Variants in NDST3 observed in about 807,000 individuals in gnomAD.
The protein encoded by NDST3 is N-deacetylase and N-sulfotransferase 3.
NDST3 carries 58 observed loss-of-function variants against 96.1 expected under a neutral mutation model. The observed-to-expected ratio is 0.60, with a 90% confidence interval of 0.49 to 0.75. NDST3 has a LOEUF of 0.75. Ranked by LOEUF, NDST3 falls within the 30% of genes least tolerant of loss-of-function variation. The pLI is 0.00. For missense variants in NDST3, 788 were observed against 1,034.2 expected (o/e 0.76, Z 3.27); for synonymous variants, 333 against 359.7 (o/e 0.93, Z 0.84).
Position 118,134,318 on chromosome 4 carries a change from T to C in NDST3, c.1225-3736T>C, listed in dbSNP as rs578104296. Among the ~76,000 whole-genome samples the C allele has an allele frequency of 5.3e-5, 8 of 152,282 alleles. No individual in the cohort carries two copies. In the South Asian group the frequency reaches 1.7e-3, roughly 32 times the overall value. On this transcript the variant is annotated intron_variant, in intron 4 of 13. Coordinates refer to ENST00000296499, the MANE Select transcript of NDST3 (RefSeq NM_004784.3). ...GCAGCGCTTGCGATCATGCTAAGAA[T>C]TTTGTAATTTAAGTGGAAAGGGAAA...
intron 10 of NDST3, among the ~76,000 whole-genome samples, chr4:118,239,533 C>T (rs1238689672): frequency 6.6e-6 from 1 of 152,062 alleles, no homozygotes; most frequent in South Asian, 2.1e-4. Flanking sequence ...ACCTTTTCCA[C>T]CAAGTATCTG....
chr4:118,236,397 T>C (rs1235871013), intron 9 of NDST3, among the ~76,000 whole-genome samples: 1 of 152,196 alleles, frequency 6.6e-6, no homozygotes, highest in Non-Finnish European at 1.5e-5. Flanking sequence ...ATATAGAACA[T>C]GACCTTGGGA....
chr4:118,033,324 C>T (rs1036907278), upstream of NDST3, among the ~76,000 whole-genome samples: 2 of 152,138 alleles, frequency 1.3e-5, no homozygotes, highest in African/African-American at 4.8e-5. Context: ...TGCGCCCCAC[C>T]CTTCCAGCGT....
chr4:118,172,381 T>C (rs940275924), intron 6 of NDST3, among the ~76,000 whole-genome samples: 2 of 152,044 alleles, frequency 1.3e-5, no homozygotes, highest in Admixed American at 1.3e-4. Flanking sequence ...TAAATTGTAA[T>C]GGCGACAGAA....
chr4:118,084,072 T>C (rs746731100), intron 2 of NDST3, among the ~76,000 whole-genome samples: 17 of 152,150 alleles, frequency 1.1e-4, no homozygotes, highest in Non-Finnish European at 2.2e-4. Context: ...TTTGAGGAAA[T>C]GACAAGATGT....
In NDST3 at chr4:118,207,306, G is replaced by A. The variant is rs1157058381; in HGVS notation, c.1540-17185G>A. Among the ~76,000 whole-genome samples the A allele has an allele frequency of 1.4e-5, 2 of 143,674 alleles. 1 individual carries two copies. The highest frequency in any genetic ancestry group is 3.1e-5 in the Non-Finnish European group (2 of 64,978). 94.3% of individuals were successfully genotyped at this position (143,674 alleles called of 152,430 possible). A position where few individuals can be genotyped will look rare whatever the true frequency, so the allele number is the denominator to read the frequency against. ...ATAACTTATTAGAAGTTGATAGTGG[G>A]GGAAAATTTATAAAGAAAGAATATG... On this transcript the variant is annotated intron_variant, in intron 6 of 13. Coordinates refer to ENST00000296499, the MANE Select transcript of NDST3 (RefSeq NM_004784.3).
At chr4:118,175,792 C>T (rs147351239) in intron 6 of NDST3, among the ~76,000 whole-genome samples, 16 of 152,218 alleles carry the variant, frequency 1.1e-4, no homozygotes, top group South Asian at 2.1e-4. Flanking sequence ...AAGAGTTTGA[C>T]GCCCACTAAA....
At chr4:118,155,318 A>T (rs1734651022) in intron 6 of NDST3, among the ~76,000 whole-genome samples, 1 of 152,184 alleles carries the variant, frequency 6.6e-6, no homozygotes, top group Non-Finnish European at 1.5e-5. Flanking sequence ...TAGTTTGCAC[A>T]TTCACCCCAT....
chr4:118,098,207 G>T (rs999576347), intron 2 of NDST3, among the ~76,000 whole-genome samples: 1 of 151,718 alleles, frequency 6.6e-6, no homozygotes, highest in African/African-American at 2.4e-5. Context: ...TTACAGCTCT[G>T]CTTCCTTTTC....
At chr4:118,224,406 A>G (rs747306305) in intron 6 of NDST3, 85 bp from the exon 7 acceptor site, 44 of 1,310,824 alleles carry the variant, frequency 3.4e-5, no homozygotes, top group Non-Finnish European at 4.0e-5. Context: ...CTACTTAAGG[A>G]AAAAAACTAG....
chr4:118,094,353 T>C (rs949350440), intron 2 of NDST3, among the ~76,000 whole-genome samples: 1 of 151,844 alleles, frequency 6.6e-6, no homozygotes, highest in African/African-American at 2.4e-5. Context: ...ATCTATGGTA[T>C]AATCTAAAGC....
intron 2 of NDST3, among the ~76,000 whole-genome samples, chr4:118,058,643 G>A (rs200816205): frequency 6.4e-5 from 1 of 15,706 alleles, no homozygotes; most frequent in Non-Finnish European, 5.4e-4. Flanking sequence ...GTGCGCGCGC[G>A]CGCACGCATG....
At chr4:118,034,093 T>C (rs1724018349), upstream of NDST3, among the ~76,000 whole-genome samples, 1 of 152,220 alleles carries the variant, frequency 6.6e-6, no homozygotes, top group South Asian at 2.1e-4. Context: ...TAAATAAGTT[T>C]ATTTAGACAA....
intron 4 of NDST3, among the ~76,000 whole-genome samples, chr4:118,123,457 A>C (rs543939204): frequency 6.6e-6 from 1 of 152,294 alleles, no homozygotes; most frequent in Non-Finnish European, 1.5e-5. Flanking sequence ...GAGAAAGCTG[A>C]ATTAAACCAA....
chr4:118,239,490 T>C (rs911838278), intron 10 of NDST3, among the ~76,000 whole-genome samples: 79 of 152,228 alleles, frequency 5.2e-4, no homozygotes, highest in African/African-American at 1.7e-3. Context: ...ATACAGCAAA[T>C]TGCAAATTGC....
chr4:118,113,367 G>A (rs904397201), intron 3 of NDST3, among the ~76,000 whole-genome samples: 2 of 152,222 alleles, frequency 1.3e-5, no homozygotes, highest in African/African-American at 4.8e-5. Flanking sequence ...GTAGTGGAGA[G>A]GAAGTTCCTT....
intron 1 of NDST3, among the ~76,000 whole-genome samples, 154 bp from the exon 2 acceptor site, chr4:118,053,602 A>G (rs1725220284): frequency 6.6e-6 from 1 of 151,902 alleles, no homozygotes; most frequent in African/African-American, 2.4e-5. Flanking sequence ...CCATGTCCTC[A>G]CACAGATCTG....
At chr4:118,081,020 C>G (rs1040481530) in intron 2 of NDST3, among the ~76,000 whole-genome samples, 1 of 152,150 alleles carries the variant, frequency 6.6e-6, no homozygotes, top group African/African-American at 2.4e-5. Context: ...AACTTGCGCT[C>G]AAATCTCCCA....
intron 6 of NDST3, among the ~76,000 whole-genome samples, chr4:118,202,968 T>C (rs1013732153): frequency 1.3e-5 from 2 of 152,244 alleles, no homozygotes; most frequent in Non-Finnish European, 1.5e-5. Context: ...ATGGCTCTTA[T>C]TATTTTGAAG....
Sources: gnomAD v4.1 joint callset for allele counts (sites outside exome capture counted in the v4.1 genomes callset) on GRCh38, gnomAD v4.1.1 for gene constraint, MANE v1.5 for transcripts, NCBI Gene and HGNC (gene_info 2026-07-23, HGNC 2026-07-21) for gene names.